Variants in SYT1 observed in about 807,000 individuals in gnomAD.
SYT1 encodes the protein synaptotagmin-1.
Under a neutral mutation model 44.8 loss-of-function variants are expected in SYT1, and 8 were observed. The observed-to-expected ratio is 0.18, with a 90% CI of 0.10 to 0.32. The LOEUF (loss-of-function observed/expected upper bound fraction) is 0.32, where lower values mean the gene tolerates loss of function less well. Among genes scored for constraint, SYT1 ranks in the 10% least tolerant of loss-of-function variants. The pLI, the probability that SYT1 is intolerant of heterozygous loss-of-function variation, is 1.00. For missense variants in SYT1, 286 were observed against 509.3 expected (o/e 0.56, Z 4.22); for synonymous variants, 154 against 188.8 (o/e 0.82, Z 1.51).
chr12:79,038,208 T>C (rs1873272613), intron 2 of SYT1, among the ~76,000 whole-genome samples: 1 of 150,934 alleles, frequency 6.6e-6, no homozygotes, highest in Non-Finnish European at 1.5e-5. Flanking sequence ...CACATATATA[T>C]ACACACATAT....
At chr12:79,101,325 A>C (rs1878433467) in intron 3 of SYT1, among the ~76,000 whole-genome samples, 2 of 152,260 alleles carry the variant, frequency 1.3e-5, no homozygotes, top group Non-Finnish European at 2.9e-5. Context: ...CACATGTTAC[A>C]AAATGGATGA....
At chr12:78,906,966 G>T (rs888438119) in intron 1 of SYT1, among the ~76,000 whole-genome samples, 1 of 152,002 alleles carries the variant, frequency 6.6e-6, no homozygotes, top group African/African-American at 2.4e-5. Flanking sequence ...AATACCTACT[G>T]CTATAACTTT....
chr12:79,152,816 T>C (rs1870356340), intron 3 of SYT1, among the ~76,000 whole-genome samples: 1 of 151,686 alleles, frequency 6.6e-6, no homozygotes, highest in South Asian at 2.1e-4. Context: ...AGCTTTCATT[T>C]TGGGTCCAAA....
At chr12:79,113,571 C>T (rs1264407294) in intron 3 of SYT1, among the ~76,000 whole-genome samples, 1 of 152,018 alleles carries the variant, frequency 6.6e-6, no homozygotes, top group Non-Finnish European at 1.5e-5. Context: ...CTAACATGTG[C>T]TACCTAAAAA....
At chr12:79,123,040 C>T (rs1868305170) in intron 3 of SYT1, among the ~76,000 whole-genome samples, 1 of 152,196 alleles carries the variant, frequency 6.6e-6, no homozygotes, top group Admixed American at 6.5e-5. Context: ...TTTCTACAGT[C>T]ACCCACAGAA....
Position 78,897,990 on chromosome 12 carries a change from A to G in SYT1, c.-217+32881A>G, listed in dbSNP as rs1160547008. ...TAGCTCCTAAAGGGTGAAACATCTC[A>G]GATGAAAAACCTCACTAACCAAAAC... is the stretch of plus-strand genomic sequence containing the variant. On this transcript the variant is annotated intron_variant, in intron 1 of 10. Transcript: ENST00000261205. 2.6e-5 allele frequency among the ~76,000 whole-genome samples: 4 copies of G among 152,034 alleles called. No homozygotes were observed. The South Asian group carries it at 8.3e-4, about 32-fold the overall frequency.
At chr12:79,279,738 A>G (rs547862182) in intron 4 of SYT1, among the ~76,000 whole-genome samples, 1 of 152,106 alleles carries the variant, frequency 6.6e-6, no homozygotes, top group African/African-American at 2.4e-5. Flanking sequence ...GTTGATATAA[A>G]TGTATACATA....
intron 8 of SYT1, among the ~76,000 whole-genome samples, chr12:79,341,900 C>T (rs1467627857): frequency 6.6e-6 from 1 of 151,930 alleles, no homozygotes; most frequent in African/African-American, 2.4e-5. Context: ...GATCTCCTGA[C>T]CTCGTGATCC....
chr12:78,933,820 A>C (rs2137220924), intron 1 of SYT1, among the ~76,000 whole-genome samples: 1 of 152,244 alleles, frequency 6.6e-6, no homozygotes. Flanking sequence ...AAAGAGTGAG[A>C]GAAAAGTGAA....
chr12:79,007,675 T>C (rs1242226266), intron 2 of SYT1, among the ~76,000 whole-genome samples: 1 of 152,146 alleles, frequency 6.6e-6, no homozygotes, highest in Non-Finnish European at 1.5e-5. Flanking sequence ...TATACCCTTT[T>C]TTGTTCCCAT....
At chr12:78,963,574 C>T (rs1253272808) in intron 1 of SYT1, among the ~76,000 whole-genome samples, 3 of 152,000 alleles carry the variant, frequency 2.0e-5, no homozygotes, top group Non-Finnish European at 4.4e-5. Flanking sequence ...GATGCTCAGC[C>T]TCACAAATCA....
At chr12:79,384,677 C>A (rs1490270419) in intron 9 of SYT1, among the ~76,000 whole-genome samples, 3 of 152,276 alleles carry the variant, frequency 2.0e-5, no homozygotes, top group Middle Eastern at 3.4e-3. Context: ...GGAGCACCAT[C>A]CACTGACAGC....
intron 3 of SYT1, among the ~76,000 whole-genome samples, chr12:79,126,259 G>GTTTTGT (rs1274963399): frequency 6.6e-6 from 1 of 151,986 alleles, no homozygotes; most frequent in African/African-American, 2.4e-5. Context: ...GTTTTGTTTT[G>GTTTTGT]TTTTGTTTTT....
At chr12:78,941,037 T>C (rs1000421734) in intron 1 of SYT1, among the ~76,000 whole-genome samples, 1 of 149,220 alleles carries the variant, frequency 6.7e-6, no homozygotes, top group Non-Finnish European at 1.5e-5. Context: ...TTCTTTTTCT[T>C]TTCTTTACTT....
intron 9 of SYT1, among the ~76,000 whole-genome samples, chr12:79,371,480 T>C (rs1883787454): frequency 6.6e-6 from 1 of 152,264 alleles, no homozygotes; most frequent in African/African-American, 2.4e-5. Flanking sequence ...CCCTGCGACT[T>C]CATAAACAGC....
rs865993724 is a variant in SYT1 at position 79,438,173 on chromosome 12, G to A, written c.929-5900G>A. ...TTTGTATAGCATGGTAGGTGATGGA[G>A]AAGGACAGTAATTGGAACAGTAAGG... On this transcript the variant is annotated intron_variant, in intron 9 of 10. Coordinates refer to ENST00000261205, the MANE Select transcript of SYT1 (RefSeq NM_005639.3). 2.6e-5 allele frequency among the ~76,000 whole-genome samples: 4 copies of A among 152,236 alleles called. No individual in the cohort carries two copies. The Middle Eastern group carries it at 0.01, about 388-fold the overall frequency.
intron 8 of SYT1, among the ~76,000 whole-genome samples, chr12:79,308,629 AAAGAAAGAAAG>A (rs1565901572): frequency 1.3e-4 from 9 of 69,784 alleles, no homozygotes; most frequent in South Asian, 3.3e-4. Flanking sequence ...AGAAAGAAAG[AAAGAAAGAAAG>A]AAAGAAAGAA....
At chr12:79,300,023 C>G (rs552339499) in intron 8 of SYT1, among the ~76,000 whole-genome samples, 3 of 152,096 alleles carry the variant, frequency 2.0e-5, no homozygotes, top group Non-Finnish European at 4.4e-5. Context: ...CCTAAAGATA[C>G]GAGAGCATGA....
At chr12:78,929,407 CCCAAAAAAAAAAAAAAAAA>C (rs1308224936) in intron 1 of SYT1, among the ~76,000 whole-genome samples, 1,977 of 14,658 alleles carry the variant, frequency 0.13, 231 homozygotes, top group African/African-American at 0.26. Context: ...GAGACTCCGT[CCCAAAAAAAAAAAAAAAAA>C]AAAAAAAAAA....
Sources: allele counts gnomAD v4.1 joint callset (sites outside exome capture counted in the v4.1 genomes callset), GRCh38; gene constraint gnomAD v4.1.1; transcripts MANE v1.5; gene names NCBI Gene and HGNC (gene_info 2026-07-23, HGNC 2026-07-21).